The following TTC21B variants were observed in gnomAD, a reference collection of about 807,000 sequenced individuals.
TTC21B encodes the protein tetratricopeptide repeat domain 21B, also known as tetratricopeptide repeat protein 21B.
In TTC21B, 127 loss-of-function variants were observed where a neutral mutation model predicts 175.1. The ratio of observed to expected loss-of-function variants is 0.73; its 90% CI spans 0.63 to 0.84. The LOEUF is 0.84. Among genes scored for constraint, TTC21B ranks in the 40% least tolerant of loss-of-function variants. The pLI, the probability that TTC21B is intolerant of heterozygous loss-of-function variation, is 0.00. For synonymous variants in TTC21B, 524 were observed against 524.5 expected, an observed-to-expected ratio of 1.00 and a Z score of 0.01; for missense variants, 1,561 against 1,558.3, an observed-to-expected ratio of 1.00 and a Z score of -0.03.
chr2:165,890,408 T>A, intron 24 of TTC21B, 71 bp downstream of exon 24: 1 of 1,455,144 alleles, frequency 6.9e-7, no homozygotes, highest in South Asian at 1.2e-5. Flanking sequence ...TTTAGTTCTT[T>A]TGTATAGTAT....
At chr2:165,896,576 G>T (rs116479556) in intron 22 of TTC21B, among the ~76,000 whole-genome samples, 2,791 of 152,250 alleles carry the variant, frequency 0.018, 101 homozygotes, top group African/African-American at 0.064. Context: ...AAGAAGTGGT[G>T]CTACTTGATG....
intron 18 of TTC21B, among the ~76,000 whole-genome samples, chr2:165,909,491 G>A (rs1259597606): frequency 6.6e-6 from 1 of 151,750 alleles, no homozygotes; most frequent in African/African-American, 2.4e-5. Context: ...ATTAGGTAAA[G>A]GATTAAAGAC....
chr2:165,948,503 A>G (rs922864468), intron 3 of TTC21B: 1 of 152,204 alleles, frequency 6.6e-6, no homozygotes, highest in Non-Finnish European at 1.5e-5. Flanking sequence ...GGCTTTAGAA[A>G]AAAGTCTCGT....
intron 25 of TTC21B, 93 bp downstream of exon 25, chr2:165,888,186 C>T (rs1345171058): frequency 4.9e-6 from 5 of 1,026,128 alleles, no homozygotes; most frequent in Admixed American, 2.0e-5. Flanking sequence ...GTAATTAAGT[C>T]AATCTTCAGA....
At chr2:165,951,927 A>G (rs866840068) in intron 1 of TTC21B, among the ~76,000 whole-genome samples, 2 of 152,286 alleles carry the variant, frequency 1.3e-5, no homozygotes, top group South Asian at 4.1e-4. Flanking sequence ...AAATCAAGGG[A>G]AAGATTATTG....
At chr2:165,924,749 A>T in intron 11 of TTC21B, 71 bp from the exon 12 acceptor site, 1 of 1,495,980 alleles carries the variant, frequency 6.7e-7, no homozygotes, top group Non-Finnish European at 9.1e-7. Flanking sequence ...AACATATATT[A>T]ATTTTAGTAT....
At chr2:165,918,326 G>A (rs555121612) in intron 13 of TTC21B, among the ~76,000 whole-genome samples, 9 of 152,080 alleles carry the variant, frequency 5.9e-5, no homozygotes, top group East Asian at 5.8e-4. Flanking sequence ...ATGGAGTCTC[G>A]CTCTGTTGCC....
In TTC21B at chr2:165,896,205, C is replaced by T. The variant is rs1685359566; in HGVS notation, c.2950+2481G>A. ...CTGAAACACAGCTCTAGGACTTCCTCTGCCATTTCAAACTCTTTTTAGTAA... is the reference window on the plus strand; with the variant it reads ...CTGAAACACAGCTCTAGGACTTCCTTTGCCATTTCAAACTCTTTTTAGTAA... On this transcript the variant is annotated intron_variant, in intron 22 of 28. Coordinates refer to ENST00000243344, the MANE Select transcript of TTC21B (RefSeq NM_024753.5). Among the ~76,000 whole-genome samples the T allele has an allele frequency of 2.6e-5, 4 of 152,252 alleles. No homozygotes were observed. In the South Asian group the frequency reaches 8.3e-4, roughly 32 times the overall value.
In TTC21B at chr2:165,917,271, A is replaced by T; in HGVS notation, c.1885T>A (p.Leu629Ile). ...IFLELIDVHR[L>I]NGEQHEATKV... ...ACTTGACCTACCTGCTCTCCATTTA[A>T]GCGGTGAACGTCTATCAATTCAAGA... The change falls in exon 14 of 29, where the codon TTA (leucine) becomes ATA (isoleucine). Residue 629 changes from leucine (L) to isoleucine (I), a missense_variant. Physicochemically the swap from Leu to Ile is conservative, Grantham distance 5. Coordinates refer to ENST00000243344, the MANE Select transcript of TTC21B (RefSeq NM_024753.5). 6.2e-7 allele frequency: 1 copy of T among 1,614,116 alleles called. No homozygotes were observed. The highest frequency in any genetic ancestry group is 8.5e-7 in the Non-Finnish European group (1 of 1,179,988).
chr2:165,920,796 G>GAAATATTTTAAATATTTAAAATATTTT (rs1559060453), intron 12 of TTC21B, among the ~76,000 whole-genome samples: 1 of 57,268 alleles, frequency 1.7e-5, no homozygotes, highest in African/African-American at 4.5e-5. Flanking sequence ...ATATTTTGAA[G>GAAATATTTTAAATATTTAAAATATTTT]GATACTAAAT....
chr2:165,941,211 C>A, intron 5 of TTC21B, 27 bp from the exon 6 acceptor site: 1 of 1,613,100 alleles, frequency 6.2e-7, no homozygotes, highest in Non-Finnish European at 8.5e-7. Context: ...AAAGTGATAT[C>A]CAAACTGTGA....
In TTC21B at chr2:165,878,558, G is replaced by A. The variant is rs73969714; in HGVS notation, c.3805+2121C>T. ...GGTGTGTAGATATATGTGTGTGTGTGTATATATATTTATTTATAAATGATT... is the reference window on the plus strand; with the variant it reads ...GGTGTGTAGATATATGTGTGTGTGTATATATATATTTATTTATAAATGATT... On this transcript the variant is annotated intron_variant, in intron 27 of 28. Transcript: ENST00000243344. Among the ~76,000 whole-genome samples the A allele has an allele frequency of 2.7e-3, 402 of 151,366 alleles. 3 individuals are homozygous for A. Among genetic ancestry groups the A allele is most frequent in the African/African-American group, 8.9e-3 (368 of 41,220 alleles).
rs543161154 is a variant in TTC21B, at chr2:165,901,213, T to C, written c.2757+509A>G. 1.9e-3 allele frequency among the ~76,000 whole-genome samples: 292 copies of C among 152,318 alleles called. 2 individuals carry two copies. The highest frequency in any genetic ancestry group is 7.0e-3 in the African/African-American group (290 of 41,568). ...CATTGCATCCAGCCTTAAACTCTAA[T>C]ATTCTTAATGTAAGGCATCATGTAA... On this transcript the variant is annotated intron_variant, in intron 20 of 28. Coordinates refer to ENST00000243344, the MANE Select transcript of TTC21B (RefSeq NM_024753.5).
chr2:165,895,218 C>A (rs11901630), intron 22 of TTC21B, among the ~76,000 whole-genome samples: 21,597 of 151,990 alleles, frequency 0.14, 1,738 homozygotes, highest in East Asian at 0.27. Flanking sequence ...GGTTGTATGT[C>A]ATTTGGTGTT....
intron 6 of TTC21B, 150 bp downstream of exon 6, chr2:165,940,877 A>G (rs1055759827): frequency 2.6e-6 from 2 of 781,464 alleles, no homozygotes; most frequent in African/African-American, 3.5e-5. Flanking sequence ...CAATGTTTAA[A>G]AGCAGTATGA....
chr2:165,917,404 T>C lies in TTC21B; in HGVS notation c.1752A>G (p.Lys584=), dbSNP rs1216283037. The C allele has an allele frequency of 6.2e-7, 1 of 1,614,208 alleles. No individual in the cohort carries two copies. The highest frequency in any genetic ancestry group is 1.7e-5 in the Admixed American group (1 of 60,034). ...GTAAACTCATTGCCATATGCAGTGT[T>C]TTAATTGCGTCTGCTATTTCTCCCA... ...KKMGEIADAI[K]TLHMAMSLPG... Residue 584 remains lysine (K), a synonymous_variant, in exon 14 of 29, where the codon AAA becomes AAG. Transcript: ENST00000243344.
chr2:165,930,131 TG>T (rs1559066794), intron 9 of TTC21B, 40 bp downstream of exon 9: 9 of 1,576,534 alleles, frequency 5.7e-6, no homozygotes, highest in Non-Finnish European at 7.8e-6. Context: ...AATTGCTACT[TG>T]TATCTATATT....
In TTC21B at chr2:165,888,400, G is replaced by A; in HGVS notation, c.3338C>T (p.Pro1113Leu). 1.9e-6 allele frequency: 3 copies of A among 1,613,852 alleles called. No individual in the cohort carries two copies. The highest frequency in any genetic ancestry group is 2.5e-6 in the Non-Finnish European group (3 of 1,179,860). Residue 1113 changes from proline to leucine, a missense_variant, in exon 25 of 29, where the codon CCT becomes CTT. By Grantham distance (98) the Pro-to-Leu change is moderately conservative. Transcript: ENST00000243344. ...CTGTACGTGACCCTGAACAGTCTGA[G>A]GTTTTAGTTCCTTAAGAAGTTTTTC... ...TAEKLLKELK[P>L]QTVQGHVQLR...
chr2:165,921,826 T>C lies in TTC21B; in HGVS notation c.1517-2393A>G, dbSNP rs181067139. On this transcript the variant is annotated intron_variant, in intron 12 of 28. Coordinates refer to ENST00000243344, the MANE Select transcript of TTC21B (RefSeq NM_024753.5). ...TTTTGGTTACTAGAAATTTTCTTAA[T>C]CTTTTTTTTTATTTCAATAGGTTTT... 6.2e-3 allele frequency among the ~76,000 whole-genome samples: 930 copies of C among 151,050 alleles called. 8 individuals carry two copies. The highest frequency in any genetic ancestry group is 0.022 in the African/African-American group (892 of 41,038).
Sources: allele counts gnomAD v4.1 joint callset (sites outside exome capture counted in the v4.1 genomes callset), GRCh38; gene constraint gnomAD v4.1.1; transcripts MANE v1.5; gene names NCBI Gene and HGNC (gene_info 2026-07-23, HGNC 2026-07-21).